KANK1: variants seen among roughly 807,000 people sequenced by gnomAD.
The protein encoded by KANK1 is KN motif and ankyrin repeat domains 1.
A neutral mutation model predicts 106.2 loss-of-function variants in KANK1; 109 were observed. The observed-to-expected ratio is 1.03, with a 90% confidence interval of 0.88 to 1.20. KANK1 has a LOEUF of 1.20. Among genes scored for constraint, KANK1 ranks in the 50% most tolerant of loss-of-function variants. The probability of loss-of-function intolerance (pLI) is 0.00; values close to 1 mark genes in which losing one functional copy is unlikely to be tolerated. For synonymous variants in KANK1, 873 were observed against 652.2 expected (o/e 1.34, Z -5.16); for missense variants, 2,399 against 1,710.7 (o/e 1.40, Z -7.10).
At chr9:504,573 G>C (rs1369508945), upstream of KANK1, 1 of 150,984 alleles carries the variant, frequency 6.6e-6, no homozygotes, top group Non-Finnish European at 1.5e-5. Context: ...CGCCCACCGC[G>C]GGTGAGAGGC....
intron 1 of KANK1, among the ~76,000 whole-genome samples, chr9:567,727 C>G (rs999592899): frequency 3.8e-4 from 58 of 152,202 alleles, no homozygotes; most frequent in African/African-American, 1.4e-3. Context: ...CTTGATAAGT[C>G]CCTTCCTCAT....
chr9:582,829 C>T (rs778613930), intron 1 of KANK1, among the ~76,000 whole-genome samples: 2 of 152,178 alleles, frequency 1.3e-5, no homozygotes, highest in African/African-American at 2.4e-5. Flanking sequence ...TTGCCCCTCA[C>T]AAAAGCGTGG....
intron 1 of KANK1, among the ~76,000 whole-genome samples, chr9:657,698 G>A (rs1026467414): frequency 3.9e-5 from 6 of 152,072 alleles, no homozygotes; most frequent in African/African-American, 9.7e-5. Flanking sequence ...GGTGAGGTGC[G>A]TATGCTGCGT....
chr9:629,106 A>G (rs960205420), intron 1 of KANK1, among the ~76,000 whole-genome samples: 2 of 151,100 alleles, frequency 1.3e-5, no homozygotes, highest in Non-Finnish European at 2.9e-5. Flanking sequence ...CCCATCTTGC[A>G]TGCTTTTCCT....
chr9:706,083 G>A (rs1016086196), intron 2 of KANK1, among the ~76,000 whole-genome samples: 20 of 151,940 alleles, frequency 1.3e-4, no homozygotes, highest in Admixed American at 1.0e-3. Context: ...TAATGACACC[G>A]GGTAGTTTTA....
intron 2 of KANK1, among the ~76,000 whole-genome samples, chr9:691,514 G>A (rs1001070004): frequency 2.7e-4 from 40 of 150,846 alleles, no homozygotes; most frequent in Middle Eastern, 3.4e-3. Context: ...TCCTGCCTTG[G>A]CCTCCCAAAG....
At position 651,775 on chromosome 9, in the gene KANK1, C is replaced by G. The variant is rs1840930698; in HGVS notation, c.-83-25115C>G. ...CTTAGACTTGTGGATGAGAGAATTTCAAAAATTATCTACAAATTTACCAAC... is the reference window on the plus strand; with the variant it reads ...CTTAGACTTGTGGATGAGAGAATTTGAAAAATTATCTACAAATTTACCAAC... On this transcript the variant is annotated intron_variant, in intron 1 of 11. Coordinates refer to ENST00000382297, the MANE Select transcript of KANK1 (RefSeq NM_015158.5). Among the ~76,000 whole-genome samples the G allele has an allele frequency of 2.0e-5, 3 of 152,126 alleles. No homozygotes were observed. The South Asian group carries it at 6.2e-4, about 32-fold the overall frequency.
chr9:515,293 C>G (rs536937425), intron 1 of KANK1, among the ~76,000 whole-genome samples: 9 of 149,446 alleles, frequency 6.0e-5, no homozygotes, highest in African/African-American at 2.0e-4. Flanking sequence ...TGCAGTGAGC[C>G]GAGATCGTGC....
chr9:523,203 C>T (rs1013339919), intron 1 of KANK1, among the ~76,000 whole-genome samples: 2 of 151,626 alleles, frequency 1.3e-5, no homozygotes, highest in South Asian at 2.1e-4. Context: ...TCAAATTCAA[C>T]GTCACCCAAA....
At chr9:617,602 C>G (rs1563869313) in intron 1 of KANK1, among the ~76,000 whole-genome samples, 1 of 152,178 alleles carries the variant, frequency 6.6e-6, no homozygotes, top group Non-Finnish European at 1.5e-5. Flanking sequence ...AGCTGCTCTT[C>G]TTTCACCTGG....
intron 1 of KANK1, among the ~76,000 whole-genome samples, chr9:637,687 A>G (rs1193920416): frequency 6.6e-6 from 1 of 152,120 alleles, no homozygotes; most frequent in Non-Finnish European, 1.5e-5. Flanking sequence ...TATTTTTTCT[A>G]GTTAAATATT....
At chr9:617,185 C>G (rs1832051080) in intron 1 of KANK1, among the ~76,000 whole-genome samples, 1 of 151,722 alleles carries the variant, frequency 6.6e-6, no homozygotes, top group Non-Finnish European at 1.5e-5. Flanking sequence ...TATATTTGAA[C>G]TGTCCTTAAT....
intron 2 of KANK1, among the ~76,000 whole-genome samples, chr9:705,722 C>G (rs1823939181): frequency 6.6e-6 from 1 of 151,566 alleles, no homozygotes; most frequent in Non-Finnish European, 1.5e-5. Context: ...CCTCAGCCTC[C>G]CAAGTAGCTG....
intron 2 of KANK1, chr9:684,326 C>T (rs991632178): frequency 1.0e-6 from 1 of 985,368 alleles, no homozygotes; most frequent in Non-Finnish European, 1.2e-6. Flanking sequence ...TGCTCCTGCT[C>T]CTGGGTACTG....
At chr9:725,183 G>T (rs749513281) in intron 3 of KANK1, among the ~76,000 whole-genome samples, 7 of 152,104 alleles carry the variant, frequency 4.6e-5, no homozygotes, top group Non-Finnish European at 1.0e-4. Context: ...GTGAGTTCTC[G>T]TTCAGCTCTG....
rs774673941 is a variant in KANK1 at position 711,464 on chromosome 9, C to T, written c.698C>T (p.Ser233Phe). The T allele has an allele frequency of 6.2e-7, 1 of 1,614,176 alleles. No homozygotes were observed. The highest frequency in any genetic ancestry group is 8.5e-7 in the Non-Finnish European group (1 of 1,180,038). Residue 233 changes from serine to phenylalanine, a missense_variant, in exon 3 of 12, where the codon TCC becomes TTC. Ser to Phe is a radical substitution (Grantham distance 155, BLOSUM62 -2). Transcript: ENST00000382297. ...TATGCCCCAGCTGCTCCCACCACTT[C>T]CTCCATGGGGAGCTCCATCCGCCAC... is the stretch of plus-strand genomic sequence containing the variant. ...GSYAPAAPTT[S>F]SMGSSIRHSP...
In KANK1 at chr9:710,920, AT is replaced by A. The variant is rs758455083; in HGVS notation, c.155del (p.Ile52AsnfsTer10). ...DLDFLKYVDD[I>X]QKGNTIKRLN... ...AGATTTCCTCAAATATGTGGATGAC[AT>A]ACAGAAGGGAAATACCATCAAAAGA... is the stretch of plus-strand genomic sequence containing the variant. On this transcript the variant is annotated frameshift_variant, in exon 3 of 12. Coordinates refer to ENST00000382297, the MANE Select transcript of KANK1 (RefSeq NM_015158.5). LOFTEE classifies it high-confidence loss of function. The A allele has an allele frequency of 2.5e-6, 4 of 1,614,196 alleles. No individual in the cohort carries two copies. Among genetic ancestry groups the A allele is most frequent in the Non-Finnish European group, 3.4e-6 (4 of 1,180,038 alleles).
chr9:670,760 T>A (rs1845691163), intron 1 of KANK1, among the ~76,000 whole-genome samples: 1 of 152,088 alleles, frequency 6.6e-6, no homozygotes, highest in Admixed American at 6.6e-5. Context: ...ATGCTTCTCA[T>A]GGGTTGAGGC....
chr9:485,110 T>A lies in KANK1; in HGVS notation c.-362+11837T>A, dbSNP rs142597182. ...CTGATTTTCAACTGGGGAACCACCC[T>A]CCACCCTCACTGTCAGTCACTGTGC... On this transcript the variant is annotated intron_variant, in intron 3 of 15. Coordinates refer to the KANK1 transcript ENST00000382303. Among the ~76,000 whole-genome samples, 28 of 152,266 alleles carry A rather than the reference T, an allele frequency of 1.8e-4. No individual in the cohort carries two copies. The East Asian group carries it at 5.0e-3, about 27-fold the overall frequency.
Sources: gnomAD v4.1 joint callset for allele counts (sites outside exome capture counted in the v4.1 genomes callset) on GRCh38, gnomAD v4.1.1 for gene constraint, MANE v1.5 for transcripts, NCBI Gene and HGNC (gene_info 2026-07-23, HGNC 2026-07-21) for gene names.